The following AGBL4 variants were observed in gnomAD, a reference collection of about 807,000 sequenced individuals.
The protein encoded by AGBL4 is cytosolic carboxypeptidase 6.
AGBL4 carries 58 observed loss-of-function variants against 66.4 expected under a neutral mutation model. That is an observed-to-expected ratio of 0.87 (90% CI 0.71 to 1.09). The LOEUF is 1.09. Among genes scored for constraint, AGBL4 ranks in the 50% least tolerant of loss-of-function variants. The pLI is 0.00. For missense variants in AGBL4, 579 were observed against 631.0 expected, an observed-to-expected ratio of 0.92 and a Z score of 0.88; for synonymous variants, 234 against 222.9, an observed-to-expected ratio of 1.05 and a Z score of -0.44.
At chr1:48,750,902 C>T (rs907775981) in intron 6 of AGBL4, among the ~76,000 whole-genome samples, 2 of 152,098 alleles carry the variant, frequency 1.3e-5, no homozygotes, top group African/African-American at 4.8e-5. Context: ...AATTACCCCC[C>T]ACACTCAGAG....
chr1:49,597,352 C>T (rs1051328807), intron 3 of AGBL4, among the ~76,000 whole-genome samples: 1 of 152,306 alleles, frequency 6.6e-6, no homozygotes, highest in East Asian at 1.9e-4. Flanking sequence ...GATTGCAAGT[C>T]TGCAAAGGAA....
At chr1:49,897,995 T>C (rs1268246659) in intron 1 of AGBL4, among the ~76,000 whole-genome samples, 1 of 151,378 alleles carries the variant, frequency 6.6e-6, no homozygotes, top group Non-Finnish European at 1.5e-5. Flanking sequence ...TCTAAGACTT[T>C]GAAATTATGA....
At chr1:49,549,608 T>G (rs1652794642) in intron 3 of AGBL4, among the ~76,000 whole-genome samples, 1 of 152,162 alleles carries the variant, frequency 6.6e-6, no homozygotes, top group African/African-American at 2.4e-5. Context: ...CCTTTTGGAG[T>G]TGATTTCCAG....
At chr1:48,859,938 G>C (rs1647335119) in intron 6 of AGBL4, among the ~76,000 whole-genome samples, 1 of 152,070 alleles carries the variant, frequency 6.6e-6, no homozygotes, top group African/African-American at 2.4e-5. Flanking sequence ...AGAATAGAAT[G>C]CTTTTTAGCC....
intron 1 of AGBL4, among the ~76,000 whole-genome samples, chr1:49,977,994 G>A (rs185026212): frequency 4.6e-4 from 70 of 152,178 alleles, no homozygotes; most frequent in African/African-American, 1.7e-3. Flanking sequence ...TTTTGAGATA[G>A]GAAGCCTCAA....
chr1:49,449,825 A>C (rs1646238863), intron 3 of AGBL4, among the ~76,000 whole-genome samples: 1 of 152,066 alleles, frequency 6.6e-6, no homozygotes. Flanking sequence ...AGACAGCTTC[A>C]TCCTCATTAT....
At chr1:49,567,267 G>A (rs541856546) in intron 3 of AGBL4, among the ~76,000 whole-genome samples, 6 of 152,274 alleles carry the variant, frequency 3.9e-5, no homozygotes, top group Admixed American at 1.3e-4. Context: ...GTGATGCCTC[G>A]CCCTGCTTTG....
At chr1:48,949,956 C>T (rs953258802) in intron 5 of AGBL4, among the ~76,000 whole-genome samples, 29 of 152,086 alleles carry the variant, frequency 1.9e-4, no homozygotes, top group African/African-American at 6.5e-4. Flanking sequence ...AGGTCTGAAC[C>T]TATAGGCAGA....
intron 6 of AGBL4, among the ~76,000 whole-genome samples, chr1:48,810,457 C>G (rs916262041): frequency 1.3e-5 from 2 of 152,146 alleles, no homozygotes; most frequent in Non-Finnish European, 2.9e-5. Flanking sequence ...AGAGCACAGG[C>G]CTCAGGCCTA....
chr1:48,680,612 G>A (rs992127225), intron 6 of AGBL4, among the ~76,000 whole-genome samples: 3 of 152,316 alleles, frequency 2.0e-5, no homozygotes, highest in Non-Finnish European at 4.4e-5. Context: ...AAAAGGTGAC[G>A]GCCACCTTGT....
At chr1:48,772,320 T>G (rs1163611216) in intron 6 of AGBL4, among the ~76,000 whole-genome samples, 1 of 152,182 alleles carries the variant, frequency 6.6e-6, no homozygotes, top group Non-Finnish European at 1.5e-5. Context: ...TGAAGCAAGG[T>G]CTCCAAATGT....
intron 2 of AGBL4, among the ~76,000 whole-genome samples, chr1:49,699,804 A>T (rs1344603543): frequency 6.6e-6 from 1 of 151,986 alleles, no homozygotes; most frequent in East Asian, 1.9e-4. Context: ...TATGATGACT[A>T]AACCTAGAGA....
At chr1:49,686,882 A>C in intron 3 of AGBL4, among the ~76,000 whole-genome samples, 1 of 152,192 alleles carries the variant, frequency 6.6e-6, no homozygotes, top group Non-Finnish European at 1.5e-5. Flanking sequence ...TAGAATACCA[A>C]CCCTGGCAGT....
intron 6 of AGBL4, among the ~76,000 whole-genome samples, chr1:48,770,730 G>C (rs1339070886): frequency 1.3e-5 from 2 of 152,050 alleles, no homozygotes; most frequent in Non-Finnish European, 2.9e-5. Flanking sequence ...TACACTTCCA[G>C]GGTTCTCCTC....
At chr1:49,350,830 A>T (rs141233685) in intron 3 of AGBL4, among the ~76,000 whole-genome samples, 189 of 152,030 alleles carry the variant, frequency 1.2e-3, no homozygotes, top group African/African-American at 4.4e-3. Flanking sequence ...TAGGACCAGG[A>T]CAGGACTCTT....
chr1:49,206,591 TG>T (rs1230784368), intron 4 of AGBL4, among the ~76,000 whole-genome samples: 1 of 151,848 alleles, frequency 6.6e-6, no homozygotes, highest in Non-Finnish European at 1.5e-5. Flanking sequence ...AGAAATAGAG[TG>T]TATAGGATGA....
At chr1:48,728,156 T>C (rs1046940476) in intron 6 of AGBL4, 26 of 933,108 alleles carry the variant, frequency 2.8e-5, no homozygotes, top group East Asian at 5.2e-5. Flanking sequence ...TACCAGCTTA[T>C]GTATCTGGCA....
At chr1:49,085,542 G>A (rs1486384249) in intron 4 of AGBL4, among the ~76,000 whole-genome samples, 1 of 151,918 alleles carries the variant, frequency 6.6e-6, no homozygotes, top group East Asian at 1.9e-4. Context: ...CAGCTCATGT[G>A]TGCTGTTCTC....
intron 3 of AGBL4, among the ~76,000 whole-genome samples, chr1:49,430,671 TATC>T (rs1393264040): frequency 6.6e-6 from 1 of 152,016 alleles, no homozygotes; most frequent in African/African-American, 2.4e-5. Flanking sequence ...AAAGTACGTG[TATC>T]ATAAGTATAA....
Sources: gnomAD v4.1 joint callset for allele counts (sites outside exome capture counted in the v4.1 genomes callset) on GRCh38, gnomAD v4.1.1 for gene constraint, MANE v1.5 for transcripts, NCBI Gene and HGNC (gene_info 2026-07-23, HGNC 2026-07-21) for gene names.